GSK3B: variants seen among roughly 807,000 people sequenced by gnomAD.
GSK3B encodes glycogen synthase kinase-3 beta.
A neutral mutation model predicts 56.4 loss-of-function variants in GSK3B; 15 were observed. That is an observed-to-expected ratio of 0.27 (90% confidence interval 0.18 to 0.41). The LOEUF (loss-of-function observed/expected upper bound fraction) is 0.41, where lower values mean the gene tolerates loss of function less well. GSK3B is among the 10% of genes least tolerant of loss of function. The pLI is 1.00. For synonymous variants in GSK3B, 181 were observed against 188.9 expected (o/e 0.96, Z 0.34); for missense variants, 300 against 513.4 (o/e 0.58, Z 4.02).
intron 9 of GSK3B, among the ~76,000 whole-genome samples, chr3:119,854,716 C>T (rs552742927): frequency 6.6e-6 from 1 of 152,138 alleles, no homozygotes; most frequent in Non-Finnish European, 1.5e-5. Context: ...TAGAAGTGTT[C>T]ATAGTATTCT....
chr3:119,939,411 C>T (rs962819838), intron 3 of GSK3B, among the ~76,000 whole-genome samples: 33 of 152,128 alleles, frequency 2.2e-4, no homozygotes, highest in Non-Finnish European at 1.3e-4. Context: ...AGAAGGATTG[C>T]CTGCTGCCAT....
intron 1 of GSK3B, among the ~76,000 whole-genome samples, chr3:120,034,831 C>G (rs2058008342): frequency 6.6e-6 from 1 of 152,128 alleles, no homozygotes; most frequent in Non-Finnish European, 1.5e-5. Flanking sequence ...GTCGAGGTAA[C>G]TCATGCCTGT....
chr3:119,961,445 T>C (rs1027758356), intron 2 of GSK3B, among the ~76,000 whole-genome samples: 2 of 151,986 alleles, frequency 1.3e-5, no homozygotes, highest in Admixed American at 6.6e-5. Flanking sequence ...CTGGCCAACA[T>C]GGTGAAACTC....
chr3:119,876,261 A>G (rs552556881), intron 8 of GSK3B, 152 bp downstream of exon 8: 12 of 575,916 alleles, frequency 2.1e-5, no homozygotes, highest in African/African-American at 1.3e-4. Flanking sequence ...ATATAAAGTC[A>G]ATGAAACACT....
intron 7 of GSK3B, among the ~76,000 whole-genome samples, chr3:119,886,022 C>A (rs1232878578): frequency 6.6e-6 from 1 of 151,896 alleles, no homozygotes; most frequent in Non-Finnish European, 1.5e-5. Context: ...TCAAAAGCAA[C>A]TGCAATAAAA....
chr3:120,055,401 T>C (rs565731620), intron 1 of GSK3B, among the ~76,000 whole-genome samples: 2 of 152,192 alleles, frequency 1.3e-5, no homozygotes, highest in African/African-American at 4.8e-5. Context: ...ACAGCAATAA[T>C]AGTATATCAA....
chr3:120,078,257 T>G (rs2058383377), intron 1 of GSK3B, among the ~76,000 whole-genome samples: 1 of 152,166 alleles, frequency 6.6e-6, no homozygotes, highest in African/African-American at 2.4e-5. Context: ...AAAAGATGTG[T>G]TTTTAATTAG....
At chr3:119,865,928 T>C (rs1577325326) in intron 8 of GSK3B, among the ~76,000 whole-genome samples, 1 of 152,280 alleles carries the variant, frequency 6.6e-6, no homozygotes, top group East Asian at 1.9e-4. Flanking sequence ...ATAATACATG[T>C]CAAAAGCCTA....
intron 4 of GSK3B, among the ~76,000 whole-genome samples, chr3:119,917,729 A>T (rs2056796067): frequency 6.6e-6 from 1 of 150,700 alleles, no homozygotes; most frequent in Non-Finnish European, 1.5e-5. Flanking sequence ...TTTTTACTGT[A>T]TTCTTTCATC....
intron 1 of GSK3B, among the ~76,000 whole-genome samples, chr3:120,034,603 T>C (rs143265233): frequency 1.3e-5 from 2 of 152,220 alleles, no homozygotes; most frequent in Non-Finnish European, 2.9e-5. Context: ...CCACACCGTC[T>C]GGATTGATGT....
intron 7 of GSK3B, among the ~76,000 whole-genome samples, chr3:119,894,586 C>G (rs369381297): frequency 2.6e-5 from 4 of 151,682 alleles, no homozygotes; most frequent in South Asian, 4.2e-4. Flanking sequence ...ATTCTTTGTC[C>G]ATTTTTCAAG....
intron 1 of GSK3B, among the ~76,000 whole-genome samples, chr3:120,025,170 C>T (rs1277299188): frequency 6.6e-6 from 1 of 151,946 alleles, no homozygotes; most frequent in Non-Finnish European, 1.5e-5. Context: ...ACCAGCCTGG[C>T]CATCTCTACT....
Position 119,832,770 on chromosome 3 carries a change from A to G in GSK3B, c.1196-5915T>C, listed in dbSNP as rs55954491. On this transcript the variant is annotated intron_variant, in intron 10 of 10. Transcript: ENST00000264235. ...TAAAACCAATTTTATTCTGTGTGAC[A>G]TAAGAGGTAAAACACAACTTAGGCA... is the stretch of plus-strand genomic sequence containing the variant. 6.5e-3 allele frequency among the ~76,000 whole-genome samples: 994 copies of G among 152,358 alleles called. 13 individuals carry two copies. The highest frequency in any genetic ancestry group is 0.021 in the African/African-American group (853 of 41,576).
Position 120,093,934 on chromosome 3 carries a change from A to G in GSK3B, c.-500T>C, listed in dbSNP as rs1400855244. ...GAGGGAGGGAGGGGGTGGCTCGGAGATGCGACGGGAAACGCTGCAGCTCCG... is the reference window on the plus strand; with the variant it reads ...GAGGGAGGGAGGGGGTGGCTCGGAGGTGCGACGGGAAACGCTGCAGCTCCG... On this transcript the variant is annotated 5_prime_UTR_variant, in exon 1 of 11. Transcript: ENST00000264235. 9.5e-6 allele frequency: 2 copies of G among 211,496 alleles called. No homozygotes were observed. Among genetic ancestry groups the G allele is most frequent in the African/African-American group, 2.3e-5 (1 of 43,756 alleles). 13.1% of individuals were successfully genotyped at this position (211,496 alleles called of 1,614,324 possible).
chr3:120,029,003 C>A, intron 1 of GSK3B: 1 of 612,124 alleles, frequency 1.6e-6, no homozygotes, highest in Non-Finnish European at 3.0e-6. Context: ...GCCTTTTATC[C>A]TTCTTTGTAT....
intron 2 of GSK3B, among the ~76,000 whole-genome samples, chr3:119,954,917 C>A (rs143504555): frequency 1.3e-5 from 2 of 152,088 alleles, no homozygotes; most frequent in Non-Finnish European, 2.9e-5. Context: ...GAAGAAACAA[C>A]CAGCAAGCTT....
intron 2 of GSK3B, among the ~76,000 whole-genome samples, chr3:119,979,381 T>C (rs2057439387): frequency 6.6e-6 from 1 of 152,086 alleles, no homozygotes; most frequent in African/African-American, 2.4e-5. Flanking sequence ...GAACCCTCTC[T>C]GTATTCTTAT....
rs138667438 is a variant in GSK3B at position 120,008,325 on chromosome 3, C to T, written c.89-6086G>A. 1.8e-3 allele frequency among the ~76,000 whole-genome samples: 270 copies of T among 150,866 alleles called. 2 individuals are homozygous for T. The highest frequency in any genetic ancestry group is 5.9e-3 in the African/African-American group (243 of 41,332). On this transcript the variant is annotated intron_variant, in intron 1 of 10. Coordinates refer to ENST00000264235, the MANE Select transcript of GSK3B (RefSeq NM_001146156.2). ...ACTGCCCAAAGTAATTTATAGCTAC[C>T]ACTGACTTTCTTCACAGAATTGGAA... is the stretch of plus-strand genomic sequence containing the variant.
At chr3:120,057,552 T>G (rs1178145290) in intron 1 of GSK3B, among the ~76,000 whole-genome samples, 1 of 152,210 alleles carries the variant, frequency 6.6e-6, no homozygotes, top group African/African-American at 2.4e-5. Flanking sequence ...TTGTATATAT[T>G]AGTTATCATC....
Sources: gnomAD v4.1 joint callset for allele counts (sites outside exome capture counted in the v4.1 genomes callset) on GRCh38, gnomAD v4.1.1 for gene constraint, MANE v1.5 for transcripts, NCBI Gene and HGNC (gene_info 2026-07-23, HGNC 2026-07-21) for gene names.